The following MAST2 variants were observed in gnomAD, a reference collection of about 807,000 sequenced individuals.
MAST2 encodes the protein microtubule associated serine/threonine kinase 2.
MAST2 carries 70 observed loss-of-function variants against 147.4 expected under a neutral mutation model. That is an observed-to-expected ratio of 0.47 (90% CI 0.39 to 0.58). The LOEUF (loss-of-function observed/expected upper bound fraction) is 0.58. Among genes scored for constraint, MAST2 ranks in the 20% least tolerant of loss-of-function variants. The pLI, the probability that MAST2 is intolerant of heterozygous loss-of-function variation, is 0.00. For missense variants in MAST2, 2,080 were observed against 2,302.3 expected (o/e 0.90, Z 1.98); for synonymous variants, 869 against 896.8 (o/e 0.97, Z 0.55).
chr1:45,863,415 C>T (rs1276536826), intron 3 of MAST2, among the ~76,000 whole-genome samples: 2 of 152,138 alleles, frequency 1.3e-5, no homozygotes, highest in Non-Finnish European at 1.5e-5. Context: ...TTCAAAGCAG[C>T]AGATGGGAGA....
intron 4 of MAST2, among the ~76,000 whole-genome samples, chr1:45,902,580 A>G (rs902397580): frequency 6.6e-6 from 1 of 151,842 alleles, no homozygotes; most frequent in African/African-American, 2.4e-5. Context: ...TACATCTGGT[A>G]GAACTTGGCT....
chr1:45,987,967 G>A (rs1182561494), intron 5 of MAST2, among the ~76,000 whole-genome samples: 1 of 151,366 alleles, frequency 6.6e-6, no homozygotes, highest in Non-Finnish European at 1.5e-5. Flanking sequence ...ATATAATGTA[G>A]TGATATAATT....
chr1:45,910,115 T>G (rs1300019867), intron 4 of MAST2, among the ~76,000 whole-genome samples: 4 of 151,384 alleles, frequency 2.6e-5, no homozygotes, highest in African/African-American at 9.7e-5. Flanking sequence ...TGCAGTTGTT[T>G]TTTTTTTTTT....
intron 10 of MAST2, among the ~76,000 whole-genome samples, chr1:46,019,060 G>A (rs1165347890): frequency 2.6e-5 from 4 of 152,082 alleles, no homozygotes; most frequent in Non-Finnish European, 2.9e-5. Context: ...AGTAACCCAC[G>A]TCTATCCCCT....
chr1:45,942,108 C>A (rs1379447594), intron 4 of MAST2, among the ~76,000 whole-genome samples: 1 of 151,096 alleles, frequency 6.6e-6, no homozygotes, highest in Non-Finnish European at 1.5e-5. Context: ...GCCAACCATA[C>A]CTTGAGAATC....
intron 5 of MAST2, among the ~76,000 whole-genome samples, chr1:45,996,827 G>A (rs1645075801): frequency 6.6e-6 from 1 of 152,136 alleles, no homozygotes; most frequent in African/African-American, 2.4e-5. Flanking sequence ...CACTGTGCAG[G>A]AAACATACTA....
chr1:45,973,209 G>A lies in MAST2; in HGVS notation c.592+13732G>A, dbSNP rs114614877. The stretch of plus-strand genomic sequence containing the variant: ...TATTCTTGGTGGTTTCGATACACCC[G>A]TAGTTGATAACTCCAGTTCTTAAGA... On this transcript the variant is annotated intron_variant, in intron 5 of 28. Coordinates refer to ENST00000361297, the MANE Select transcript of MAST2 (RefSeq NM_015112.3). 5.7e-3 allele frequency among the ~76,000 whole-genome samples: 860 copies of A among 151,476 alleles called. 5 individuals are homozygous for A. Among genetic ancestry groups the A allele is most frequent in the Non-Finnish European group, 7.5e-3 (507 of 67,930 alleles).
chr1:45,951,435 T>C (rs1356594992), intron 4 of MAST2, among the ~76,000 whole-genome samples: 2 of 151,754 alleles, frequency 1.3e-5, no homozygotes, highest in Non-Finnish European at 1.5e-5. Context: ...ATACAAAACT[T>C]AGTCAGGCAT....
rs202097759 is a variant in MAST2 at position 46,034,947 on chromosome 1, C to A, written c.4278C>A (p.Arg1426=). 1 of 1,614,128 alleles carries A rather than the reference C, an allele frequency of 6.2e-7. No homozygotes were observed. Among genetic ancestry groups the A allele is most frequent in the Non-Finnish European group, 8.5e-7 (1 of 1,180,038 alleles). ...AASEKKLATS[R]KHSLDLPHSE... ...CTGAGAAGAAGCTAGCCACTTCTCG[C>A]AAGCACAGCCTTGACCTGCCCCACT... The change falls in exon 29 of 29, where the codon CGC becomes CGA. Residue 1426 remains arginine (R), a synonymous_variant. Coordinates refer to ENST00000361297, the MANE Select transcript of MAST2 (RefSeq NM_015112.3).
intron 4 of MAST2, among the ~76,000 whole-genome samples, chr1:45,959,100 G>T (rs568676258): frequency 6.6e-6 from 1 of 152,058 alleles, no homozygotes; most frequent in South Asian, 2.1e-4. Context: ...GTTTTTGCCC[G>T]TAGGGAGCTC....
intron 3 of MAST2, among the ~76,000 whole-genome samples, chr1:45,859,239 C>T (rs1052123032): frequency 1.3e-5 from 2 of 152,116 alleles, no homozygotes; most frequent in African/African-American, 4.8e-5. Context: ...GGACTACAGG[C>T]ACAAAAAGTG....
intron 4 of MAST2, among the ~76,000 whole-genome samples, chr1:45,952,132 C>T (rs1659016956): frequency 6.6e-6 from 1 of 152,206 alleles, no homozygotes; most frequent in Non-Finnish European, 1.5e-5. Flanking sequence ...CAAATGTTCA[C>T]AGCAGCAGCA....
chr1:46,029,423 T>C, intron 18 of MAST2, 43 bp from the exon 19 acceptor site: 1 of 1,525,012 alleles, frequency 6.6e-7, no homozygotes, highest in South Asian at 1.1e-5. Context: ...CTCTCCACTC[T>C]ACCCACAATT....
chr1:46,025,731 T>C lies in MAST2; in HGVS notation c.1835T>C (p.Val612Ala), dbSNP rs747384862. The change falls in exon 16 of 29, where the codon GTG becomes GCG. Residue 612 changes from valine (V) to alanine (A), a missense_variant. Val to Ala is a moderately conservative substitution (Grantham distance 64, BLOSUM62 0). Transcript: ENST00000361297. ...ATTGGGGCCCTGCCTGTGGACATGGTGCGTCTATACTTTGCGGAAACTGTG... is the reference window on the plus strand; with the variant it reads ...ATTGGGGCCCTGCCTGTGGACATGGCGCGTCTATACTTTGCGGAAACTGTG... ...KNIGALPVDM[V>A]RLYFAETVLA... 3.1e-6 allele frequency: 5 copies of C among 1,614,216 alleles called. No homozygotes were observed. The highest frequency in any genetic ancestry group is 4.2e-6 in the Non-Finnish European group (5 of 1,180,032).
Position 45,829,525 on chromosome 1 carries a change from G to C in MAST2, c.412G>C (p.Val138Leu). The stretch of plus-strand genomic sequence containing the variant: ...GTCGTCAGGAGAAGCATCAAACCTG[G>C]TTCGAATGAGAAACCAGTCCCTTGG... ...WQSSGEASNLVRMRNQSLGQS... is the reference protein window; with the variant it reads ...WQSSGEASNLLRMRNQSLGQS... Residue 138 changes from valine to leucine, a missense_variant, in exon 3 of 29, where the codon GTT (valine) becomes CTT (leucine). Around this residue, in one of 4 missense-constraint regions of MAST2, gnomAD observed 569 missense variants for 642.5 expected, o/e 0.89. Transcript: ENST00000361297. 1 of 1,614,144 alleles carries C rather than the reference G, an allele frequency of 6.2e-7. No individual in the cohort carries two copies. Among genetic ancestry groups the C allele is most frequent in the Non-Finnish European group, 8.5e-7 (1 of 1,180,030 alleles).
chr1:45,962,766 T>C (rs1660618360), intron 5 of MAST2, among the ~76,000 whole-genome samples: 2 of 152,234 alleles, frequency 1.3e-5, no homozygotes, highest in South Asian at 4.1e-4. Context: ...GCAGAAGCTC[T>C]TTAGTTTAAT....
At chr1:46,022,861 G>A in intron 12 of MAST2, 49 bp from the exon 13 acceptor site, 3 of 1,397,576 alleles carry the variant, frequency 2.1e-6, no homozygotes, top group Non-Finnish European at 3.1e-6. Context: ...ATACTGCTGA[G>A]ATACCTGACA....
At chr1:45,882,701 C>T (rs1490246437) in intron 4 of MAST2, among the ~76,000 whole-genome samples, 4 of 152,168 alleles carry the variant, frequency 2.6e-5, no homozygotes, top group African/African-American at 7.2e-5. Context: ...ACTGAGTTTT[C>T]GTAGACTCAA....
intron 4 of MAST2, among the ~76,000 whole-genome samples, chr1:45,910,195 A>G (rs1458114314): frequency 3.7e-5 from 5 of 133,372 alleles, no homozygotes; most frequent in South Asian, 2.3e-4. Flanking sequence ...CCACTGTCTT[A>G]TTTTTCTGTC....
Sources: gnomAD v4.1 joint callset for allele counts (sites outside exome capture counted in the v4.1 genomes callset) on GRCh38, gnomAD v4.1.1 for gene constraint, gnomAD v4.1.1 regional missense constraint, MANE v1.5 for transcripts, NCBI Gene and HGNC (gene_info 2026-07-23, HGNC 2026-07-21) for gene names.